SMYD1: variants seen among roughly 807,000 people sequenced by gnomAD.
SMYD1 encodes SET and MYND domain containing 1.
A neutral mutation model predicts 54.0 loss-of-function variants in SMYD1; 49 were observed. The ratio of observed to expected loss-of-function variants is 0.91; its 90% CI spans 0.72 to 1.15. The LOEUF (loss-of-function observed/expected upper bound fraction) is 1.15. Among genes scored for constraint, SMYD1 ranks in the 50% most tolerant of loss-of-function variants. The probability of loss-of-function intolerance (pLI) is 0.00; values close to 1 mark genes in which losing one functional copy is unlikely to be tolerated. For synonymous variants in SMYD1, 269 were observed against 234.2 expected, an observed-to-expected ratio of 1.15 and a Z score of -1.36; for missense variants, 653 against 639.6, an observed-to-expected ratio of 1.02 and a Z score of -0.23.
At chr2:88,099,583 C>T (rs1674674220) in intron 6 of SMYD1, among the ~76,000 whole-genome samples, 1 of 151,988 alleles carries the variant, frequency 6.6e-6, no homozygotes, top group African/African-American at 2.4e-5. Context: ...ATTAGCCGGG[C>T]ATGGCGGCCC....
rs775321593 is a variant in SMYD1 at position 88,091,134 on chromosome 2, C to T, written c.651C>T (p.Asn217=). The T allele has an allele frequency of 2.5e-6, 4 of 1,613,912 alleles. No homozygotes were observed. The highest frequency in any genetic ancestry group is 1.7e-5 in the Admixed American group (1 of 59,994). The change falls in exon 4 of 10, where the codon AAC becomes AAT. Residue 217 remains asparagine (N), a synonymous_variant. Transcript: ENST00000419482. ...GGCCCAACTGTACTGTCATATTTAA[C>T]AATGGCAAGTGAGTATGTCTTTATG... ...DCWPNCTVIF[N]NGNHEAVKSM... is the part of the protein sequence containing the mutation.
chr2:88,087,094 A>G (rs1372790303), intron 2 of SMYD1, among the ~76,000 whole-genome samples: 2 of 151,116 alleles, frequency 1.3e-5, no homozygotes, highest in East Asian at 3.9e-4. Context: ...AAAAAAAAAA[A>G]AAAAGAATAC....
At chr2:88,107,879 C>G (rs1674917601) in intron 8 of SMYD1, among the ~76,000 whole-genome samples, 1 of 152,226 alleles carries the variant, frequency 6.6e-6, no homozygotes, top group Non-Finnish European at 1.5e-5. Context: ...TTCCCTGACC[C>G]CTTGCACTTC....
In SMYD1 at chr2:88,082,223, C is replaced by T. The variant is rs963914131; in HGVS notation, c.138-2093C>T. Among the ~76,000 whole-genome samples the T allele has an allele frequency of 2.6e-5, 4 of 152,184 alleles. No homozygotes were observed. The East Asian group carries it at 5.8e-4, about 22-fold the overall frequency. ...CTAGTGTAATTCTACTCCTTGCTCA[C>T]TAGGAAAGTTTAAGGGAAGGCAAGA... On this transcript the variant is annotated intron_variant, in intron 1 of 9. Coordinates refer to ENST00000419482, the MANE Select transcript of SMYD1 (RefSeq NM_198274.4).
intron 2 of SMYD1, among the ~76,000 whole-genome samples, chr2:88,087,357 C>G (rs576754399): frequency 2.0e-5 from 3 of 152,226 alleles, no homozygotes; most frequent in African/African-American, 7.2e-5. Context: ...TCCCCAGACC[C>G]CACGGAACCT....
intron 5 of SMYD1, 31 bp downstream of exon 5, chr2:88,093,586 C>T (rs763538820): frequency 1.2e-6 from 2 of 1,613,836 alleles, no homozygotes; most frequent in Non-Finnish European, 1.7e-6. Flanking sequence ...ATCCCTGCTC[C>T]TCTGACCCAT....
chr2:88,074,053 A>G (rs144509357), intron 1 of SMYD1, among the ~76,000 whole-genome samples: 1,639 of 152,276 alleles, frequency 0.011, 31 homozygotes, highest in African/African-American at 0.038. Flanking sequence ...GGGAAAGAAG[A>G]TGGGGTTTCA....
intron 6 of SMYD1, among the ~76,000 whole-genome samples, chr2:88,101,130 G>A (rs1674710073): frequency 6.6e-6 from 1 of 152,224 alleles, no homozygotes; most frequent in African/African-American, 2.4e-5. Context: ...AACTGGTCCA[G>A]GACAGCTGGA....
At chr2:88,086,388 G>T (rs1674325467) in intron 2 of SMYD1, among the ~76,000 whole-genome samples, 1 of 152,174 alleles carries the variant, frequency 6.6e-6, no homozygotes, top group African/African-American at 2.4e-5. Flanking sequence ...GCAGTCAGTG[G>T]GTGGCAGGAA....
intron 1 of SMYD1, among the ~76,000 whole-genome samples, chr2:88,069,403 G>C (rs10176485): frequency 1.3e-5 from 2 of 152,098 alleles, no homozygotes; most frequent in Non-Finnish European, 2.9e-5. Context: ...GACTTTTTCA[G>C]GGGGAGCTTG....
rs1251485773 is a variant in SMYD1 at position 88,090,207 on chromosome 2, G to A, written c.529-805G>A. Reference sequence around the variant, plus strand: ...GAAAGTGACACTCCTCCATATCTATGACAAATATCCATGTGAGGGCATAAA... The same window carrying A: ...GAAAGTGACACTCCTCCATATCTATAACAAATATCCATGTGAGGGCATAAA... On this transcript the variant is annotated intron_variant, in intron 3 of 9. Transcript: ENST00000419482. Among the ~76,000 whole-genome samples the A allele has an allele frequency of 2.0e-5, 3 of 152,312 alleles. No homozygotes were observed. The East Asian group carries it at 5.8e-4, about 29-fold the overall frequency.
chr2:88,088,055 A>G lies in SMYD1; in HGVS notation c.508A>G (p.Ile170Val). 1.2e-6 allele frequency: 2 copies of G among 1,613,790 alleles called. No individual in the cohort carries two copies. The highest frequency in any genetic ancestry group is 4.5e-5 in the East Asian group (2 of 44,846). Residue 170 changes from isoleucine (I) to valine (V), a missense_variant, in exon 3 of 10, where the codon ATC (isoleucine) becomes GTC (valine). Ile to Val is a conservative substitution (Grantham distance 29). Transcript: ENST00000419482. ...PQSQQFSMQYISHIFGVINCN... is the reference protein window; with the variant it reads ...PQSQQFSMQYVSHIFGVINCN... ...GAGCCAGCAGTTCAGCATGCAGTAC[A>G]TCTCGCACATCTTCGGAGTGGTAGG...
At chr2:88,100,846 C>A (rs764191387) in intron 6 of SMYD1, among the ~76,000 whole-genome samples, 1 of 152,168 alleles carries the variant, frequency 6.6e-6, no homozygotes, top group Admixed American at 6.5e-5. Context: ...TAGAAGCTAG[C>A]GCACTGATGG....
At position 88,091,019 on chromosome 2, in the gene SMYD1, G is replaced by C; in HGVS notation, c.536G>C (p.Cys179Ser). ...YISHIFGVIN[C>S]NGFTLSDQRG... ...ATCTTTTCCCCTGGGTAGATTAACT[G>C]CAACGGTTTTACTCTCAGTGATCAG... Residue 179 changes from cysteine (C) to serine (S), a missense_variant, in exon 4 of 10, where the codon TGC (cysteine) becomes TCC (serine). Coordinates refer to ENST00000419482, the MANE Select transcript of SMYD1 (RefSeq NM_198274.4). 6.2e-7 allele frequency: 1 copy of C among 1,613,228 alleles called. No individual in the cohort carries two copies. Among genetic ancestry groups the C allele is most frequent in the African/African-American group, 1.3e-5 (1 of 75,018 alleles).
intron 6 of SMYD1, 53 bp downstream of exon 6, chr2:88,096,837 G>C (rs1214613486): frequency 6.4e-7 from 1 of 1,559,028 alleles, no homozygotes; most frequent in Non-Finnish European, 8.7e-7. Context: ...CCGGGAGCCA[G>C]TCACAGGTGG....
chr2:88,077,065 G>T (rs1415924735), intron 1 of SMYD1, among the ~76,000 whole-genome samples: 6 of 151,668 alleles, frequency 4.0e-5, no homozygotes, highest in Admixed American at 3.9e-4. Flanking sequence ...AGACCTTCTG[G>T]CAGGCTGGGA....
In SMYD1 at chr2:88,071,983, C is replaced by A. The variant is rs192770459; in HGVS notation, c.137+3982C>A. 1.4e-3 allele frequency among the ~76,000 whole-genome samples: 174 copies of A among 126,466 alleles called. 4 individuals carry two copies. The highest frequency in any genetic ancestry group is 1.0e-3 in the East Asian group (4 of 4,000). 83.0% of individuals were successfully genotyped at this position (126,466 alleles called of 152,430 possible). ...GTTGTTAAGGAAGAAAATAATAATT[C>A]TCTGCAATCTTAACATTTGGAAAAA... On this transcript the variant is annotated intron_variant, in intron 1 of 9. Transcript: ENST00000419482.
chr2:88,093,604 A>C (rs1674511495), intron 5 of SMYD1, 49 bp downstream of exon 5: 1 of 1,611,216 alleles, frequency 6.2e-7, no homozygotes, highest in Admixed American at 1.7e-5. Flanking sequence ...CATCTCCCTC[A>C]CTTACCTGGT....
At chr2:88,106,969 G>A (rs369855652) in intron 8 of SMYD1, among the ~76,000 whole-genome samples, 2 of 152,324 alleles carry the variant, frequency 1.3e-5, no homozygotes, top group South Asian at 2.1e-4. Context: ...GGGAGGCCGA[G>A]GCGGGAGGAT....
Sources: gnomAD v4.1 joint callset for allele counts (sites outside exome capture counted in the v4.1 genomes callset) on GRCh38, gnomAD v4.1.1 for gene constraint, MANE v1.5 for transcripts, NCBI Gene and HGNC (gene_info 2026-07-23, HGNC 2026-07-21) for gene names.